Variants in AGPAT3 observed in about 807,000 individuals in gnomAD.
The protein encoded by AGPAT3 is 1-acylglycerol-3-phosphate O-acyltransferase 3.
Under a neutral mutation model 47.3 loss-of-function variants are expected in AGPAT3, and 5 were observed. That is an observed-to-expected ratio of 0.11 (90% CI 0.06 to 0.22). The LOEUF is 0.22. Ranked by LOEUF, AGPAT3 falls within the 10% of genes least tolerant of loss-of-function variation. The pLI is 1.00. For synonymous variants in AGPAT3, 212 were observed against 208.3 expected (o/e 1.02, Z -0.15); for missense variants, 315 against 493.0 (o/e 0.64, Z 3.42).
chr21:43,943,454 G>A (rs944064813), intron 2 of AGPAT3, among the ~76,000 whole-genome samples: 1 of 152,186 alleles, frequency 6.6e-6, no homozygotes, highest in African/African-American at 2.4e-5. Flanking sequence ...ATCACCTACT[G>A]TATACCAGGC....
chr21:43,884,869 C>T (rs920046515), intron 1 of AGPAT3, among the ~76,000 whole-genome samples: 2 of 152,192 alleles, frequency 1.3e-5, no homozygotes, highest in Non-Finnish European at 2.9e-5. Flanking sequence ...TATTGCAAAG[C>T]ACACGTTGGG....
intron 2 of AGPAT3, among the ~76,000 whole-genome samples, chr21:43,913,757 C>T (rs533156953): frequency 2.0e-4 from 30 of 152,256 alleles, no homozygotes; most frequent in African/African-American, 7.0e-4. Flanking sequence ...GCACAGAGAC[C>T]AGGGAGGCTG....
chr21:43,866,427 A>G (rs1388356276), intron 1 of AGPAT3, among the ~76,000 whole-genome samples: 1 of 152,174 alleles, frequency 6.6e-6, no homozygotes, highest in African/African-American at 2.4e-5. Context: ...AGAGGGACCC[A>G]GGATCCTGCA....
At position 43,920,990 on chromosome 21, in the gene AGPAT3, G is replaced by A. The variant is rs1298880669; in HGVS notation, c.-49+16971G>A. ...TAGCCGGGCGTGGTGGCGGGCACCT[G>A]TAGTTCCAGCTACTCAGCAGGCTGA... On this transcript the variant is annotated intron_variant, in intron 2 of 9. Coordinates refer to ENST00000291572, the MANE Select transcript of AGPAT3 (RefSeq NM_020132.5). This position sits in a 1 kb window ranked among gnomAD's most constrained non-coding sequence, Gnocchi z 6.1. Among the ~76,000 whole-genome samples, 1 of 152,210 alleles carries A rather than the reference G, an allele frequency of 6.6e-6. No individual in the cohort carries two copies. Among genetic ancestry groups the A allele is most frequent in the African/African-American group, 2.4e-5 (1 of 41,456 alleles).
At chr21:43,936,833 G>A (rs551285937) in intron 2 of AGPAT3, among the ~76,000 whole-genome samples, 22 of 152,354 alleles carry the variant, frequency 1.4e-4, no homozygotes, top group African/African-American at 3.6e-4. Context: ...GTGCCTCAGC[G>A]AAAAGGGCTT....
intron 2 of AGPAT3, among the ~76,000 whole-genome samples, chr21:43,959,276 TGGCATGTGTGG>T (rs1285143995): frequency 1.9e-4 from 25 of 132,736 alleles, no homozygotes; most frequent in Admixed American, 3.8e-4. Context: ...GGCATGTGTG[TGGCATGTGTGG>T]GGTTTGTGAT....
rs372147252 is a variant in AGPAT3 at position 43,978,156 on chromosome 21, C to G, written c.843+35C>G. On this transcript the variant is annotated intron_variant, in intron 8 of 9. Transcript: ENST00000291572. ...CTCTGCTCCCGCTCAGGGTCCCGGTCTCCTGAAGAGGCTGTGGAAGGGGTG... is the reference window on the plus strand; with the variant it reads ...CTCTGCTCCCGCTCAGGGTCCCGGTGTCCTGAAGAGGCTGTGGAAGGGGTG... The G allele has an allele frequency of 5.0e-6, 8 of 1,595,248 alleles. No individual in the cohort carries two copies. The Admixed American group carries it at 6.7e-5, about 13-fold the overall frequency.
chr21:43,981,236 A>G lies in AGPAT3; in HGVS notation c.1042+49A>G. On this transcript the variant is annotated intron_variant, in intron 9 of 9. Transcript: ENST00000291572. The surrounding 1 kb of genome is among the most constrained non-coding windows in gnomAD (Gnocchi z 5.3). The stretch of plus-strand genomic sequence containing the variant: ...CTCACACTCTGACGGGCCTCACAGT[A>G]TCAGCCACAGGGTCCGGGACCTGGT... 6.3e-7 allele frequency: 1 copy of G among 1,595,854 alleles called. No homozygotes were observed. Among genetic ancestry groups the G allele is most frequent in the Non-Finnish European group, 8.6e-7 (1 of 1,164,190 alleles).
intron 2 of AGPAT3, among the ~76,000 whole-genome samples, chr21:43,944,188 C>T (rs2087779225): frequency 6.6e-6 from 1 of 152,278 alleles, no homozygotes; most frequent in Non-Finnish European, 1.5e-5. Flanking sequence ...CCAAATGTCA[C>T]AGCCCCTCCC....
At chr21:43,949,742 G>A (rs2088093370) in intron 2 of AGPAT3, among the ~76,000 whole-genome samples, 1 of 152,222 alleles carries the variant, frequency 6.6e-6, no homozygotes, top group Non-Finnish European at 1.5e-5. Flanking sequence ...TTTCCTCATA[G>A]AGGCTTTATT....
intron 1 of AGPAT3, among the ~76,000 whole-genome samples, chr21:43,883,483 G>C (rs1416691071): frequency 6.6e-6 from 1 of 152,254 alleles, no homozygotes; most frequent in Non-Finnish European, 1.5e-5. Context: ...AGCCATTTCT[G>C]TTCCTTGTCA....
chr21:43,888,599 A>G (rs1236898844), intron 1 of AGPAT3, among the ~76,000 whole-genome samples: 1 of 152,266 alleles, frequency 6.6e-6, no homozygotes, highest in Non-Finnish European at 1.5e-5. Context: ...GGTAAGGTCA[A>G]TCAATATTCT....
At chr21:43,910,121 G>C (rs2086598148) in intron 2 of AGPAT3, among the ~76,000 whole-genome samples, 1 of 152,248 alleles carries the variant, frequency 6.6e-6, no homozygotes, top group East Asian at 1.9e-4. Context: ...GGAGCCTGCA[G>C]GGTGTGACTC....
intron 2 of AGPAT3, among the ~76,000 whole-genome samples, chr21:43,936,393 C>A (rs763421085): frequency 2.6e-5 from 4 of 152,270 alleles, no homozygotes; most frequent in Non-Finnish European, 5.9e-5. Context: ...TGTCTGAGAG[C>A]AGACTGCTGT....
In AGPAT3 at chr21:43,915,601, G is replaced by A. The variant is rs551669964; in HGVS notation, c.-49+11582G>A. On this transcript the variant is annotated intron_variant, in intron 2 of 9. Transcript: ENST00000291572. ...TAATTTTTGTATTTTTAGTAGAGAC[G>A]GGGTTTCTCCATGTTGGCCAGGCTG... is the stretch of plus-strand genomic sequence containing the variant. Among the ~76,000 whole-genome samples, 109 of 151,040 alleles carry A rather than the reference G, an allele frequency of 7.2e-4. 1 individual carries two copies. Among genetic ancestry groups the A allele is most frequent in the African/African-American group, 2.4e-3 (98 of 41,130 alleles).
At chr21:43,894,713 C>T (rs951312548) in intron 1 of AGPAT3, among the ~76,000 whole-genome samples, 2 of 152,160 alleles carry the variant, frequency 1.3e-5, no homozygotes, top group Non-Finnish European at 2.9e-5. Context: ...CACTAATCAA[C>T]CTCTCTTCCT....
chr21:43,890,272 G>T (rs148755771), intron 1 of AGPAT3, among the ~76,000 whole-genome samples: 12 of 152,228 alleles, frequency 7.9e-5, no homozygotes, highest in African/African-American at 2.9e-4. Context: ...CTGTGAGACC[G>T]CGCGTCTGCT....
At chr21:43,877,299 G>T (rs997932119) in intron 1 of AGPAT3, among the ~76,000 whole-genome samples, 2 of 152,206 alleles carry the variant, frequency 1.3e-5, no homozygotes, top group African/African-American at 4.8e-5. Flanking sequence ...ATTTCAATTG[G>T]CTTTCTTCAG....
At chr21:43,894,458 T>C (rs1267121361) in intron 1 of AGPAT3, among the ~76,000 whole-genome samples, 2 of 152,084 alleles carry the variant, frequency 1.3e-5, no homozygotes, top group East Asian at 3.9e-4. Context: ...CTCACCCATT[T>C]CGAGGGGATA....
Sources: allele counts gnomAD v4.1 joint callset (sites outside exome capture counted in the v4.1 genomes callset), GRCh38; gene constraint gnomAD v4.1.1; non-coding constraint Gnocchi (gnomAD v3.1); transcripts MANE v1.5; gene names NCBI Gene and HGNC (gene_info 2026-07-23, HGNC 2026-07-21).